PRKAG2: variants seen among roughly 807,000 people sequenced by gnomAD.
PRKAG2 encodes 5'-AMP-activated protein kinase subunit gamma-2.
PRKAG2 carries 26 observed loss-of-function variants against 69.6 expected under a neutral mutation model. That is an observed-to-expected ratio of 0.37 (90% CI 0.27 to 0.52). The LOEUF is 0.52. Among genes scored for constraint, PRKAG2 ranks in the 20% least tolerant of loss-of-function variants. The pLI is 0.90. For missense variants in PRKAG2, 557 were observed against 740.0 expected (o/e 0.75, Z 2.87); for synonymous variants, 293 against 285.0 (o/e 1.03, Z -0.28).
rs1042754215 is a variant in PRKAG2 at position 151,804,744 on chromosome 7, C to T, written c.115-18203G>A. Reference sequence around the variant, plus strand: ...TTTTCTTTATTCCGTGGTGTTCCATCGCGGCACAGAGTCGGCACTTGAGGT... The same window carrying T: ...TTTTCTTTATTCCGTGGTGTTCCATTGCGGCACAGAGTCGGCACTTGAGGT... On this transcript the variant is annotated intron_variant, in intron 1 of 15. Coordinates refer to ENST00000287878, the MANE Select transcript of PRKAG2 (RefSeq NM_016203.4). Among the ~76,000 whole-genome samples, 34 of 152,240 alleles carry T rather than the reference C, an allele frequency of 2.2e-4. 1 individual carries two copies. Among genetic ancestry groups the T allele is most frequent in the Admixed American group, 1.8e-3 (28 of 15,286 alleles).
intron 3 of PRKAG2, among the ~76,000 whole-genome samples, chr7:151,704,052 ACT>A (rs1288579601): frequency 3.3e-5 from 5 of 151,014 alleles, no homozygotes; most frequent in South Asian, 2.1e-4. Flanking sequence ...ACAGACCGAG[ACT>A]CTGTCTCAAA....
At chr7:151,595,761 A>G (rs983080714) in intron 5 of PRKAG2, among the ~76,000 whole-genome samples, 1 of 152,248 alleles carries the variant, frequency 6.6e-6, no homozygotes, top group Non-Finnish European at 1.5e-5. Flanking sequence ...AGAATCTAGA[A>G]AAAGTTCCTA....
chr7:151,606,774 C>T (rs770356811), intron 5 of PRKAG2, among the ~76,000 whole-genome samples: 27 of 151,896 alleles, frequency 1.8e-4, no homozygotes, highest in Non-Finnish European at 3.2e-4. Context: ...GAGCCGAGAT[C>T]CTACCACTGC....
rs192751631 is a variant in PRKAG2, at chr7:151,684,626, G to A, written c.467-8989C>T. On this transcript the variant is annotated intron_variant, in intron 3 of 15. Coordinates refer to ENST00000287878, the MANE Select transcript of PRKAG2 (RefSeq NM_016203.4). ...AGACCCTGCTGGTCGGAAGCTCAGAGCCAGCTCTAGCTTCTGCCTTGCCTG... is the reference window on the plus strand; with the variant it reads ...AGACCCTGCTGGTCGGAAGCTCAGAACCAGCTCTAGCTTCTGCCTTGCCTG... 4.2e-3 allele frequency among the ~76,000 whole-genome samples: 641 copies of A among 152,282 alleles called. 16 individuals carry two copies. The highest frequency in any genetic ancestry group is 8.4e-4 in the Non-Finnish European group (57 of 68,016).
chr7:151,624,922 C>G (rs1822496203), intron 5 of PRKAG2, among the ~76,000 whole-genome samples: 1 of 152,228 alleles, frequency 6.6e-6, no homozygotes, highest in Non-Finnish European at 1.5e-5. Context: ...TGAAGTATGG[C>G]AAGCCTAGGT....
intron 3 of PRKAG2, among the ~76,000 whole-genome samples, chr7:151,684,767 T>G (rs1162813877): frequency 6.6e-6 from 1 of 152,036 alleles, no homozygotes; most frequent in South Asian, 2.1e-4. Context: ...AGCTGAGCCC[T>G]CTCTGACAAG....
chr7:151,656,667 T>C (rs971162705), intron 4 of PRKAG2, among the ~76,000 whole-genome samples: 4 of 152,266 alleles, frequency 2.6e-5, no homozygotes, highest in Non-Finnish European at 5.9e-5. Context: ...TTTATTAGGA[T>C]GCAGGTAGAG....
At chr7:151,679,529 G>A (rs1214669196) in intron 3 of PRKAG2, among the ~76,000 whole-genome samples, 1 of 152,290 alleles carries the variant, frequency 6.6e-6, no homozygotes, top group South Asian at 2.1e-4. Flanking sequence ...CCTGCTTCCT[G>A]TAGGCATGTG....
In PRKAG2 at chr7:151,776,315, G is replaced by A. The variant is rs146262962; in HGVS notation, c.466+4837C>T. ...GCCATGTCATAGCCTTCCTGAGCCCGGCCCCTGGCTGTCTACCCCGATGGT... is the reference window on the plus strand; with the variant it reads ...GCCATGTCATAGCCTTCCTGAGCCCAGCCCCTGGCTGTCTACCCCGATGGT... On this transcript the variant is annotated intron_variant, in intron 3 of 15. Coordinates refer to ENST00000287878, the MANE Select transcript of PRKAG2 (RefSeq NM_016203.4). Among the ~76,000 whole-genome samples, 86 of 152,300 alleles carry A rather than the reference G, an allele frequency of 5.6e-4. 1 individual carries two copies. In the East Asian group the frequency reaches 0.013, roughly 23 times the overall value.
At chr7:151,749,338 A>C (rs1010104171) in intron 3 of PRKAG2, among the ~76,000 whole-genome samples, 2 of 152,138 alleles carry the variant, frequency 1.3e-5, no homozygotes, top group Non-Finnish European at 2.9e-5. Context: ...CATTTCTTTG[A>C]ATCAGTGAAC....
intron 6 of PRKAG2, among the ~76,000 whole-genome samples, chr7:151,586,376 A>T (rs1811679208): frequency 6.6e-6 from 1 of 152,138 alleles, no homozygotes; most frequent in Non-Finnish European, 1.5e-5. Flanking sequence ...TTCATTCATA[A>T]ATCTCAGCTG....
chr7:151,706,375 C>A (rs1563482656), intron 3 of PRKAG2, among the ~76,000 whole-genome samples: 1 of 152,246 alleles, frequency 6.6e-6, no homozygotes, highest in Non-Finnish European at 1.5e-5. Flanking sequence ...CAGGCTCCTG[C>A]CTCGCCCTGC....
intron 4 of PRKAG2, among the ~76,000 whole-genome samples, chr7:151,669,156 C>G (rs1831455860): frequency 6.6e-6 from 1 of 152,222 alleles, no homozygotes; most frequent in South Asian, 2.1e-4. Context: ...ACTCTTTCCC[C>G]AGTAGGGTTT....
intron 5 of PRKAG2, among the ~76,000 whole-genome samples, chr7:151,606,139 C>T (rs1454406371): frequency 1.3e-5 from 2 of 152,152 alleles, no homozygotes; most frequent in Admixed American, 6.5e-5. Flanking sequence ...AAGTGATCCA[C>T]CTGCCTTGGC....
chr7:151,753,205 G>A (rs930343821), intron 3 of PRKAG2, among the ~76,000 whole-genome samples: 21 of 152,252 alleles, frequency 1.4e-4, no homozygotes, highest in African/African-American at 5.1e-4. Flanking sequence ...AAAACGCGTG[G>A]CTGGAGGTCT....
At chr7:151,772,108 T>C (rs1393466307) in intron 3 of PRKAG2, among the ~76,000 whole-genome samples, 1 of 152,166 alleles carries the variant, frequency 6.6e-6, no homozygotes, top group Non-Finnish European at 1.5e-5. Flanking sequence ...CTGTGGGGAA[T>C]CAGTAGTGTA....
chr7:151,735,407 C>A (rs2151695812), intron 3 of PRKAG2, among the ~76,000 whole-genome samples: 1 of 152,290 alleles, frequency 6.6e-6, no homozygotes, highest in African/African-American at 2.4e-5. Flanking sequence ...GACCACAATG[C>A]AAGCTTCTCC....
At chr7:151,861,057 T>G (rs531058478) in intron 1 of PRKAG2, among the ~76,000 whole-genome samples, 64 of 152,320 alleles carry the variant, frequency 4.2e-4, no homozygotes, top group African/African-American at 1.5e-3. Flanking sequence ...CTAAGCCTTC[T>G]CACTCTCAGT....
At position 151,611,192 on chromosome 7, in the gene PRKAG2, G is replaced by C. The variant is rs926654580; in HGVS notation, c.755-15738C>G. ...GTGGGAGCAGAGCACACTGGGGTCA[G>C]AATGCCAAGGAGGACTTCCCCATCT... On this transcript the variant is annotated intron_variant, in intron 5 of 15. Coordinates refer to ENST00000287878, the MANE Select transcript of PRKAG2 (RefSeq NM_016203.4). 4.6e-5 allele frequency among the ~76,000 whole-genome samples: 7 copies of C among 152,344 alleles called. No homozygotes were observed. In the South Asian group the frequency reaches 8.3e-4, roughly 18 times the overall value.
Sources: gnomAD v4.1 joint callset for allele counts (sites outside exome capture counted in the v4.1 genomes callset) on GRCh38, gnomAD v4.1.1 for gene constraint, MANE v1.5 for transcripts, NCBI Gene and HGNC (gene_info 2026-07-23, HGNC 2026-07-21) for gene names.